Variants in DIAPH3 observed in about 807,000 individuals in gnomAD.
DIAPH3 encodes the protein protein diaphanous homolog 3.
DIAPH3 carries 117 observed loss-of-function variants against 144.3 expected under a neutral mutation model. The ratio of observed to expected loss-of-function variants is 0.81; its 90% CI spans 0.70 to 0.95. The LOEUF is 0.95. DIAPH3 is among the 40% of genes least tolerant of loss of function. DIAPH3 has a pLI of 0.00. For synonymous variants in DIAPH3, 519 were observed against 488.9 expected (o/e 1.06, Z -0.81); for missense variants, 1,421 against 1,412.7 (o/e 1.01, Z -0.09).
intron 4 of DIAPH3, among the ~76,000 whole-genome samples, chr13:60,080,755 C>A (rs2057529263): frequency 6.6e-6 from 1 of 151,710 alleles, no homozygotes. Context: ...AATGAATTAA[C>A]AAAGGAAATA....
At chr13:59,846,170 C>A (rs915045359) in intron 22 of DIAPH3, among the ~76,000 whole-genome samples, 5 of 151,766 alleles carry the variant, frequency 3.3e-5, no homozygotes, top group African/African-American at 1.2e-4. Context: ...TTTATAACAC[C>A]ATGGCCTCTA....
intron 27 of DIAPH3, among the ~76,000 whole-genome samples, chr13:59,723,360 T>A (rs1175519282): frequency 6.6e-6 from 1 of 152,216 alleles, no homozygotes; most frequent in Admixed American, 6.5e-5. Flanking sequence ...CAATGGATTC[T>A]GAGACATGCT....
chr13:59,815,604 G>A (rs437226), intron 24 of DIAPH3, among the ~76,000 whole-genome samples: 146,626 of 152,172 alleles, frequency 0.96, 70,891 homozygotes, highest in East Asian at 1. Context: ...CTATTGTTTT[G>A]TAACATATAA....
chr13:59,742,704 G>GA (rs2036523037), intron 27 of DIAPH3, among the ~76,000 whole-genome samples: 1 of 142,186 alleles, frequency 7.0e-6, no homozygotes, highest in Admixed American at 7.0e-5. Flanking sequence ...GAGAAAGGGA[G>GA]AAAGAAAAGA....
chr13:59,919,203 G>A (rs1013922338), intron 18 of DIAPH3, among the ~76,000 whole-genome samples: 3 of 152,002 alleles, frequency 2.0e-5, no homozygotes, highest in Admixed American at 6.6e-5. Context: ...GAGCAAAAAC[G>A]TGTCATTGAG....
chr13:60,156,941 T>TATATATATATATATATA (rs1566834028), intron 1 of DIAPH3, among the ~76,000 whole-genome samples: 9 of 27,382 alleles, frequency 3.3e-4, no homozygotes, highest in African/African-American at 9.6e-4. Context: ...ATATATATAT[T>TATATATATATATATATA]TTTTTTTTTT....
At chr13:60,017,149 ATCCCAGCACT>A (rs2053707013) in intron 5 of DIAPH3, among the ~76,000 whole-genome samples, 3 of 152,148 alleles carry the variant, frequency 2.0e-5, no homozygotes, top group African/African-American at 7.2e-5. Flanking sequence ...CCTGCCTGTA[ATCCCAGCACT>A]TTGGGAGGCA....
At chr13:59,855,829 C>T (rs1028529631) in intron 22 of DIAPH3, among the ~76,000 whole-genome samples, 1 of 151,358 alleles carries the variant, frequency 6.6e-6, no homozygotes, top group African/African-American at 2.4e-5. Context: ...CAGTTACCTG[C>T]TTATATGAAA....
chr13:59,890,011 C>T (rs973044319), intron 20 of DIAPH3, among the ~76,000 whole-genome samples: 6 of 152,106 alleles, frequency 3.9e-5, no homozygotes, highest in African/African-American at 1.4e-4. Context: ...GTCAAATATG[C>T]TAATGAAGTG....
intron 5 of DIAPH3, among the ~76,000 whole-genome samples, chr13:60,039,770 A>G (rs2055498119): frequency 6.6e-6 from 1 of 152,232 alleles, no homozygotes; most frequent in Admixed American, 6.5e-5. Context: ...AAGAAAAATT[A>G]GAAATTCTTT....
At chr13:59,907,589 A>G (rs2140215106) in intron 20 of DIAPH3, among the ~76,000 whole-genome samples, 1 of 152,330 alleles carries the variant, frequency 6.6e-6, no homozygotes, top group East Asian at 1.9e-4. Context: ...AATAGGTACA[A>G]GCCAACTTAC....
intron 20 of DIAPH3, among the ~76,000 whole-genome samples, chr13:59,906,496 CA>C (rs2046748089): frequency 6.6e-6 from 1 of 152,068 alleles, no homozygotes; most frequent in South Asian, 2.1e-4. Context: ...TGTTTTACAA[CA>C]AGAATATATG....
At position 59,924,896 on chromosome 13, in the gene DIAPH3, T is replaced by C. The variant is rs373028922; in HGVS notation, c.2075-26A>G. On this transcript the variant is annotated intron_variant, in intron 17 of 27. Coordinates refer to ENST00000400324, the MANE Select transcript of DIAPH3 (RefSeq NM_001042517.2). ...CTGTAAAACCAAGATAGATCCATGT[T>C]AGGGGCAGCAATTCATTCAAATACA... 4.9e-5 allele frequency: 78 copies of C among 1,590,064 alleles called. No individual in the cohort carries two copies. The East Asian group carries it at 1.5e-3, about 30-fold the overall frequency.
intron 2 of DIAPH3, among the ~76,000 whole-genome samples, chr13:60,116,538 A>T (rs1395154451): frequency 6.6e-6 from 1 of 152,060 alleles, no homozygotes; most frequent in Non-Finnish European, 1.5e-5. Flanking sequence ...TGTACGGATA[A>T]TATCAATTCC....
rs1280636577 is a variant in DIAPH3, at chr13:59,721,665, T to A, written c.3319+52524A>T. ...ACTTTATTTGCCTTTCACCAGTGAC[T>A]TAGGATACTTTTCATTTTATGTTCA... is the stretch of plus-strand genomic sequence containing the variant. On this transcript the variant is annotated intron_variant, in intron 27 of 27. Coordinates refer to ENST00000400324, the MANE Select transcript of DIAPH3 (RefSeq NM_001042517.2). 2.0e-5 allele frequency among the ~76,000 whole-genome samples: 3 copies of A among 152,198 alleles called. 1 individual carries two copies. In the East Asian group the frequency reaches 5.8e-4, roughly 29 times the overall value.
At chr13:60,053,975 G>C (rs1341954617) in intron 4 of DIAPH3, among the ~76,000 whole-genome samples, 4 of 151,984 alleles carry the variant, frequency 2.6e-5, no homozygotes, top group Non-Finnish European at 5.9e-5. Flanking sequence ...TATGGTAGTT[G>C]CTTAAAGCAA....
Position 60,051,416 on chromosome 13 carries a change from T to C in DIAPH3, c.496-8596A>G, listed in dbSNP as rs577555562. 1.4e-4 allele frequency among the ~76,000 whole-genome samples: 22 copies of C among 152,146 alleles called. No individual in the cohort carries two copies. In the South Asian group the frequency reaches 4.4e-3, roughly 30 times the overall value. On this transcript the variant is annotated intron_variant, in intron 4 of 27. Transcript: ENST00000400324. Reference sequence around the variant, plus strand: ...GGGTGGATCATCTGAGGTCAGGAGTTCGAGACCAGCCTGGCCAACATGTCA... The same window carrying C: ...GGGTGGATCATCTGAGGTCAGGAGTCCGAGACCAGCCTGGCCAACATGTCA...
At chr13:59,694,978 A>G (rs928204210) in intron 27 of DIAPH3, among the ~76,000 whole-genome samples, 1 of 152,200 alleles carries the variant, frequency 6.6e-6, no homozygotes. Context: ...TGTAAAATTT[A>G]TTTGATTGAA....
At chr13:59,967,534 C>T (rs768312389) in intron 17 of DIAPH3, among the ~76,000 whole-genome samples, 1 of 152,170 alleles carries the variant, frequency 6.6e-6, no homozygotes, top group Non-Finnish European at 1.5e-5. Flanking sequence ...CCTGTCTAAG[C>T]TCTCTGGACA....
Sources: allele counts gnomAD v4.1 joint callset (sites outside exome capture counted in the v4.1 genomes callset), GRCh38; gene constraint gnomAD v4.1.1; transcripts MANE v1.5; gene names NCBI Gene and HGNC (gene_info 2026-07-23, HGNC 2026-07-21).